PAM16: variants seen among roughly 807,000 people sequenced by gnomAD.
PAM16 encodes the protein presequence translocase associated motor 16.
PAM16 carries 11 observed loss-of-function variants against 17.9 expected under a neutral mutation model. That is an observed-to-expected ratio of 0.62 (90% CI 0.39 to 1.02). The LOEUF (loss-of-function observed/expected upper bound fraction) is 1.02. PAM16 is among the 50% of genes least tolerant of loss of function. PAM16 has a pLI of 0.01. For missense variants in PAM16, 199 were observed against 165.4 expected (o/e 1.20, Z -1.11); for synonymous variants, 72 against 67.4 (o/e 1.07, Z -0.34).
intron 1 of PAM16, chr16:4,346,100 G>C: frequency 2.4e-6 from 1 of 414,110 alleles, no homozygotes. Context: ...CGGCGTGGTG[G>C]CCTGTGGCTT....
intron 2 of PAM16, chr16:4,341,785 C>T: frequency 2.1e-6 from 1 of 474,774 alleles, no homozygotes; most frequent in Non-Finnish European, 3.8e-6. Flanking sequence ...CCCCCAACCC[C>T]CATATCCCAG....
chr16:4,350,543 G>A (rs1012128623), intron 1 of PAM16, among the ~76,000 whole-genome samples: 4 of 151,904 alleles, frequency 2.6e-5, no homozygotes, highest in African/African-American at 4.8e-5. Context: ...TTGGACTACA[G>A]GCGCGCACCA....
At chr16:4,351,209 G>A (rs764978038) in intron 1 of PAM16, 23 bp downstream of exon 1, 105 of 1,390,226 alleles carry the variant, frequency 7.6e-5, no homozygotes, top group Non-Finnish European at 9.2e-5. Flanking sequence ...CCCCTCCCCG[G>A]TAGCGCCCGA....
intron 2 of PAM16, 73 bp from the exon 3 acceptor site, chr16:4,341,577 C>A: frequency 6.6e-7 from 1 of 1,512,738 alleles, no homozygotes; most frequent in South Asian, 1.2e-5. Flanking sequence ...GAGTTGGTGG[C>A]TCACCCCTGC....
chr16:4,345,404 ATC>A (rs2053741346), intron 1 of PAM16: 2 of 152,104 alleles, frequency 1.3e-5, no homozygotes, highest in Non-Finnish European at 2.9e-5. Flanking sequence ...GGCTGGTGCT[ATC>A]TGTCACAGCA....
At chr16:4,344,097 T>C (rs931468270) in intron 1 of PAM16, 3 of 397,012 alleles carry the variant, frequency 7.6e-6, no homozygotes, top group African/African-American at 4.2e-5. Flanking sequence ...TGTGATTCCA[T>C]GCCCCGCAGA....
chr16:4,349,334 G>A (rs911756870), intron 1 of PAM16, among the ~76,000 whole-genome samples: 10 of 152,132 alleles, frequency 6.6e-5, no homozygotes, highest in Admixed American at 1.3e-4. Context: ...TTGGGAGTCC[G>A]AGGCAGGAGG....
intron 2 of PAM16, among the ~76,000 whole-genome samples, chr16:4,341,951 A>G (rs2053655433): frequency 6.6e-6 from 1 of 152,134 alleles, no homozygotes; most frequent in Non-Finnish European, 1.5e-5. Context: ...TGACCCCAGA[A>G]CCTAGAATCA....
At chr16:4,341,561 C>G (rs756343016) in intron 2 of PAM16, 57 bp from the exon 3 acceptor site, 1 of 1,534,692 alleles carries the variant, frequency 6.5e-7, no homozygotes. Context: ...TCACCCTGGG[C>G]CTTCCGAGTT....
intron 1 of PAM16, among the ~76,000 whole-genome samples, chr16:4,344,910 T>C (rs927457340): frequency 2.6e-5 from 4 of 151,792 alleles, no homozygotes; most frequent in African/African-American, 9.7e-5. Flanking sequence ...AGAATCATGA[T>C]GGAAATACTA....
rs1202372126 is a variant in PAM16 at position 4,340,376 on chromosome 16, C to T, written c.321G>A (p.Glu107=). ...KVVRAKERLD[E]ELKIQAQEDR... ...CCTCCTGGGCCTGGATTTTGAGTTC[C>T]TCATCCAGGCGCTCCTTTGCGCGGA... is the stretch of plus-strand genomic sequence containing the variant. The change falls in exon 5 of 5, where the codon GAG becomes GAA. Residue 107 remains glutamate, a synonymous_variant. Coordinates refer to ENST00000318059, the MANE Select transcript of PAM16 (RefSeq NM_016069.11). The T allele has an allele frequency of 3.1e-6, 5 of 1,612,728 alleles. No individual in the cohort carries two copies. The highest frequency in any genetic ancestry group is 4.2e-6 in the Non-Finnish European group (5 of 1,179,934).
intron 4 of PAM16, 89 bp from the exon 5 acceptor site, chr16:4,340,494 G>A: frequency 6.8e-7 from 1 of 1,461,010 alleles, no homozygotes. Flanking sequence ...CATCAGCCCA[G>A]GTCCATTTTT....
intron 2 of PAM16, among the ~76,000 whole-genome samples, chr16:4,341,995 G>A (rs1348501751): frequency 6.6e-6 from 1 of 152,208 alleles, no homozygotes; most frequent in Non-Finnish European, 1.5e-5. Context: ...GGCTCAGAGA[G>A]TAGCTATTTT....
intron 1 of PAM16, among the ~76,000 whole-genome samples, chr16:4,350,741 T>C (rs2053839045): frequency 1.3e-5 from 2 of 152,150 alleles, no homozygotes; most frequent in South Asian, 4.1e-4. Context: ...CCTGACAGTG[T>C]GGCGCAGGTC....
At position 4,340,357 on chromosome 16, in the gene PAM16, G is replaced by C. The variant is rs11989; in HGVS notation, c.340C>G (p.Gln114Glu). Residue 114 changes from glutamine (Q) to glutamate (E), a missense_variant, in exon 5 of 5, where the codon CAG becomes GAG. Physicochemically the swap from Gln to Glu is conservative, Grantham distance 29. Transcript: ENST00000318059. Reference protein sequence around the residue: ...RLDEELKIQAQEDREKGQMPH... With the variant: ...RLDEELKIQAEEDREKGQMPH... ...ATCTGCCCTTTTTCTCTGTCCTCCT[G>C]GGCCTGGATTTTGAGTTCCTCATCC... The C allele has an allele frequency of 2.5e-6, 4 of 1,612,804 alleles. No individual in the cohort carries two copies. Among genetic ancestry groups the C allele is most frequent in the South Asian group, 1.1e-5 (1 of 91,080 alleles).
chr16:4,348,557 C>G (rs1375266143), intron 1 of PAM16: 1 of 152,526 alleles, frequency 6.6e-6, no homozygotes. Flanking sequence ...CCCTTCTACC[C>G]TGATCCTGTC....
Position 4,351,237 on chromosome 16 carries a change from C to G in PAM16, c.-3G>C, listed in dbSNP as rs1257513393. ...GCGCCCGACTCGGGGCTCACCATGGCAGCCGCTCTGCCTCCGGGGCTCAAA... is the reference window on the plus strand; with the variant it reads ...GCGCCCGACTCGGGGCTCACCATGGGAGCCGCTCTGCCTCCGGGGCTCAAA... On this transcript the variant is annotated 5_prime_UTR_variant, in exon 1 of 5. Coordinates refer to ENST00000318059, the MANE Select transcript of PAM16 (RefSeq NM_016069.11). The G allele has an allele frequency of 6.8e-7, 1 of 1,465,884 alleles. No homozygotes were observed. The highest frequency in any genetic ancestry group is 1.4e-5 in the South Asian group (1 of 70,266). The allele number at this position is 1,465,884 out of a possible 1,614,324, so 90.8% of individuals were successfully genotyped here.
At chr16:4,341,568 A>G in intron 2 of PAM16, 64 bp from the exon 3 acceptor site, 1 of 1,523,868 alleles carries the variant, frequency 6.6e-7, no homozygotes, top group Non-Finnish European at 8.8e-7. Flanking sequence ...GGGCCTTCCG[A>G]GTTGGTGGCT....
chr16:4,344,401 G>T (rs2053708251), intron 1 of PAM16, among the ~76,000 whole-genome samples: 1 of 114,922 alleles, frequency 8.7e-6, no homozygotes, highest in African/African-American at 3.5e-5. Context: ...TGAGAGGAGG[G>T]GGTTCTGTGA....
Sources: allele counts gnomAD v4.1 joint callset (sites outside exome capture counted in the v4.1 genomes callset), GRCh38; gene constraint gnomAD v4.1.1; transcripts MANE v1.5; gene names NCBI Gene and HGNC (gene_info 2026-07-23, HGNC 2026-07-21).